The following SFMBT1 variants were observed in gnomAD, a reference collection of about 807,000 sequenced individuals.
SFMBT1 encodes the protein scm-like with four MBT domains protein 1.
In SFMBT1, 32 loss-of-function variants were observed where a neutral mutation model predicts 108.7. The ratio of observed to expected loss-of-function variants is 0.29; its 90% CI spans 0.22 to 0.40. SFMBT1 has a LOEUF of 0.40. SFMBT1 is among the 10% of genes least tolerant of loss of function. The pLI, the probability that SFMBT1 is intolerant of heterozygous loss-of-function variation, is 1.00. For missense variants in SFMBT1, 816 were observed against 1,059.6 expected (o/e 0.77, Z 3.19); for synonymous variants, 348 against 369.5 (o/e 0.94, Z 0.67).
intron 1 of SFMBT1, among the ~76,000 whole-genome samples, chr3:53,018,739 A>G (rs1699205836): frequency 6.6e-6 from 1 of 152,106 alleles, no homozygotes; most frequent in South Asian, 2.1e-4. Context: ...GCTAAATCCA[A>G]TGGTTTGCTC....
intron 1 of SFMBT1, among the ~76,000 whole-genome samples, chr3:52,985,043 G>A (rs1339628053): frequency 1.3e-5 from 2 of 151,922 alleles, no homozygotes; most frequent in African/African-American, 2.4e-5. Flanking sequence ...AGGCTGGAAC[G>A]GTAGCTCTTC....
chr3:52,966,378 A>C (rs1476516570), intron 2 of SFMBT1, among the ~76,000 whole-genome samples: 254 of 132,022 alleles, frequency 1.9e-3, no homozygotes, highest in Middle Eastern at 0.016. Context: ...GTAATCCCAG[A>C]ACTTTGGGAG....
At chr3:52,968,038 C>A (rs1293578381) in intron 2 of SFMBT1, among the ~76,000 whole-genome samples, 1 of 152,098 alleles carries the variant, frequency 6.6e-6, no homozygotes, top group Non-Finnish European at 1.5e-5. Context: ...AAACTGGAAA[C>A]AACCAAAATG....
intron 1 of SFMBT1, among the ~76,000 whole-genome samples, chr3:53,010,999 G>A (rs757328055): frequency 6.6e-6 from 1 of 152,094 alleles, no homozygotes; most frequent in Non-Finnish European, 1.5e-5. Context: ...CACCTCCTTT[G>A]TTCTTGGTAC....
At chr3:52,982,458 G>C (rs1363629353) in intron 1 of SFMBT1, among the ~76,000 whole-genome samples, 1 of 152,208 alleles carries the variant, frequency 6.6e-6, no homozygotes, top group Non-Finnish European at 1.5e-5. Context: ...GCCGGACGCG[G>C]TGGCTCACGC....
intron 2 of SFMBT1, among the ~76,000 whole-genome samples, chr3:52,966,159 T>C (rs1437074625): frequency 7.2e-6 from 1 of 139,336 alleles, no homozygotes; most frequent in Non-Finnish European, 1.5e-5. Flanking sequence ...CTACTAAAAA[T>C]ACAAAAAATT....
At chr3:52,991,685 G>A (rs770757014) in intron 1 of SFMBT1, among the ~76,000 whole-genome samples, 17 of 152,182 alleles carry the variant, frequency 1.1e-4, no homozygotes, top group Non-Finnish European at 2.1e-4. Context: ...GTATTAAGAC[G>A]TGTGGCCTTT....
chr3:52,985,178 A>G (rs1704862816), intron 1 of SFMBT1, among the ~76,000 whole-genome samples: 1 of 152,184 alleles, frequency 6.6e-6, no homozygotes, highest in Admixed American at 6.5e-5. Flanking sequence ...TGATTCACCA[A>G]CACAAGCACT....
At chr3:52,963,929 C>A (rs35385050) in intron 2 of SFMBT1, among the ~76,000 whole-genome samples, 11,469 of 152,162 alleles carry the variant, frequency 0.075, 472 homozygotes, top group Non-Finnish European at 0.094. Flanking sequence ...ATATTACCAT[C>A]ATTAGCAAAC....
chr3:52,990,582 TCAAA>T (rs1705084770), intron 1 of SFMBT1, among the ~76,000 whole-genome samples: 2 of 152,068 alleles, frequency 1.3e-5, no homozygotes, highest in African/African-American at 4.8e-5. Context: ...TAACAAAACG[TCAAA>T]CAAATTCAGA....
chr3:53,037,222 A>C (rs1260170635), intron 1 of SFMBT1, among the ~76,000 whole-genome samples: 1 of 152,188 alleles, frequency 6.6e-6, no homozygotes, highest in Non-Finnish European at 1.5e-5. Context: ...GCAGAAAAGG[A>C]AGACTCTCCC....
At position 52,940,912 on chromosome 3, in the gene SFMBT1, T is replaced by C. The variant is rs545361130; in HGVS notation, c.364+2441A>G. On this transcript the variant is annotated intron_variant, in intron 4 of 20. Transcript: ENST00000394752. The stretch of plus-strand genomic sequence containing the variant: ...TCATGCACTGGAAGGGCACAGCTTT[T>C]GCATTTTTCCTACCAAAAGTGAACA... Among the ~76,000 whole-genome samples the C allele has an allele frequency of 1.6e-4, 24 of 152,346 alleles. No individual in the cohort carries two copies. The South Asian group carries it at 4.8e-3, about 30-fold the overall frequency.
At chr3:52,910,557 C>G (rs1702190381) in intron 17 of SFMBT1, among the ~76,000 whole-genome samples, 1 of 152,080 alleles carries the variant, frequency 6.6e-6, no homozygotes, top group Non-Finnish European at 1.5e-5. Flanking sequence ...GGCGCAATCT[C>G]AGCTCACTGC....
chr3:52,990,807 A>ATCTGCGTT (rs1266350046), intron 1 of SFMBT1, among the ~76,000 whole-genome samples: 6 of 152,200 alleles, frequency 3.9e-5, no homozygotes. Context: ...TACGCATAAA[A>ATCTGCGTT]CAAGGAAATA....
intron 8 of SFMBT1, 52 bp downstream of exon 8, chr3:52,930,276 TA>T: frequency 1.1e-5 from 13 of 1,150,884 alleles, no homozygotes; most frequent in Non-Finnish European, 1.7e-5. Context: ...ACCCATTTCC[TA>T]AACCAGTCAC....
chr3:53,042,068 T>G (rs944259325), intron 1 of SFMBT1, among the ~76,000 whole-genome samples: 1 of 152,118 alleles, frequency 6.6e-6, no homozygotes, highest in Admixed American at 6.6e-5. Flanking sequence ...AGAGAAAAAA[T>G]GTAACATTAA....
chr3:53,045,309 T>G (rs1700190397), intron 1 of SFMBT1: 2 of 142,794 alleles, frequency 1.4e-5, no homozygotes, highest in East Asian at 2.2e-4. Flanking sequence ...CAGCTGCGGG[T>G]TCGCGCCCCG....
chr3:52,988,984 A>C (rs894388162), intron 1 of SFMBT1, among the ~76,000 whole-genome samples: 1 of 152,166 alleles, frequency 6.6e-6, no homozygotes, highest in Non-Finnish European at 1.5e-5. Context: ...TTTCAATCTA[A>C]CATATGTAAA....
At chr3:53,013,303 A>G (rs1169506540) in intron 1 of SFMBT1, among the ~76,000 whole-genome samples, 1 of 151,716 alleles carries the variant, frequency 6.6e-6, no homozygotes, top group Non-Finnish European at 1.5e-5. Context: ...TCTTTCACCT[A>G]AAGAGTAAAA....
Sources: gnomAD v4.1 joint callset for allele counts (sites outside exome capture counted in the v4.1 genomes callset) on GRCh38, gnomAD v4.1.1 for gene constraint, MANE v1.5 for transcripts, NCBI Gene and HGNC (gene_info 2026-07-23, HGNC 2026-07-21) for gene names.